LIPT1: variants seen among roughly 807,000 people sequenced by gnomAD.
LIPT1 encodes the protein lipoyl amidotransferase LIPT1, mitochondrial.
A neutral mutation model predicts 25.1 loss-of-function variants in LIPT1; 22 were observed. The observed-to-expected ratio is 0.88, with a 90% confidence interval of 0.63 to 1.25. The LOEUF (loss-of-function observed/expected upper bound fraction) is 1.25, where lower values mean the gene tolerates loss of function less well. LIPT1 is among the 50% of genes most tolerant of loss of function. LIPT1 has a pLI of 0.00. For synonymous variants in LIPT1, 131 were observed against 150.8 expected, an observed-to-expected ratio of 0.87 and a Z score of 0.96; for missense variants, 399 against 432.8, an observed-to-expected ratio of 0.92 and a Z score of 0.69.
At chr2:99,159,713 G>A (rs1323557293) in intron 1 of LIPT1, among the ~76,000 whole-genome samples, 3 of 152,148 alleles carry the variant, frequency 2.0e-5, no homozygotes, top group African/African-American at 7.2e-5. Flanking sequence ...ATATGGTACT[G>A]TGTCAAAGTC....
In LIPT1 at chr2:99,162,757, A is replaced by T. The variant is rs2093806614; in HGVS notation, c.800A>T (p.Gln267Leu). Reference protein sequence around the residue: ...PGINSKAKELQTWEWIYGKTP... With the variant: ...PGINSKAKELLTWEWIYGKTP... ...ATAAATAGCAAAGCCAAAGAACTGC[A>T]AACTTGGGAGTGGATATATGGCAAA... The change falls in exon 2 of 2, where the codon CAA becomes CTA. Residue 267 changes from glutamine (Q) to leucine (L), a missense_variant. Gln to Leu is a moderately radical substitution (Grantham distance 113, BLOSUM62 -2). Transcript: ENST00000651691. 6 of 1,614,216 alleles carry T rather than the reference A, an allele frequency of 3.7e-6. No individual in the cohort carries two copies. The highest frequency in any genetic ancestry group is 5.1e-6 in the Non-Finnish European group (6 of 1,180,010).
chr2:99,159,398 T>TTC (rs375225183), intron 1 of LIPT1, among the ~76,000 whole-genome samples: 4 of 151,540 alleles, frequency 2.6e-5, no homozygotes, highest in Admixed American at 6.6e-5. Context: ...ATCCATCCCC[T>TTC]TCTCTCTCTC....
At chr2:99,155,545 G>GT (rs79192111) in intron 1 of LIPT1, 18,199 of 455,976 alleles carry the variant, frequency 0.04, 861 homozygotes, top group East Asian at 0.2. Context: ...AACATGGAAG[G>GT]TAAGGAAGTC....
At position 99,162,710 on chromosome 2, in the gene LIPT1, G is replaced by C. The variant is rs373610498; in HGVS notation, c.753G>C (p.Thr251=). 6.2e-7 allele frequency: 1 copy of C among 1,614,120 alleles called. No individual in the cohort carries two copies. The highest frequency in any genetic ancestry group is 1.1e-5 in the South Asian group (1 of 91,076). ...ATCACATTCACCTAATAAACCCAACGGATGAGACACTGTTTCCTGGAATAA... is the reference window on the plus strand; with the variant it reads ...ATCACATTCACCTAATAAACCCAACCGATGAGACACTGTTTCCTGGAATAA... ...IDNHIHLINP[T]DETLFPGINS... Residue 251 remains threonine, a synonymous_variant, in exon 2 of 2, where the codon ACG becomes ACC. Coordinates refer to ENST00000651691, the MANE Select transcript of LIPT1 (RefSeq NM_145199.3).
chr2:99,159,842 T>C (rs1455015577), intron 1 of LIPT1, among the ~76,000 whole-genome samples: 5 of 152,186 alleles, frequency 3.3e-5, no homozygotes, highest in Non-Finnish European at 7.4e-5. Flanking sequence ...AGTGTAACTC[T>C]TTCTCTTAGG....
intron 1 of LIPT1, chr2:99,156,417 C>G (rs866308307): frequency 6.6e-6 from 1 of 152,258 alleles, no homozygotes; most frequent in Non-Finnish European, 1.5e-5. Context: ...GCGCCTGCCA[C>G]CACGCCCAGG....
In LIPT1 at chr2:99,162,456, T is replaced by G; in HGVS notation, c.499T>G (p.Ser167Ala). Residue 167 changes from serine to alanine, a missense_variant, in exon 2 of 2, where the codon TCT becomes GCT. Ser to Ala is a moderately conservative substitution (Grantham distance 99). Transcript: ENST00000651691. Reference protein sequence around the residue: ...DGQFKISGTASKIGRTTAYHH... With the variant: ...DGQFKISGTAAKIGRTTAYHH... ...ACAGTTTAAAATCTCAGGAACAGCT[T>G]CTAAGATCGGCCGGACTACTGCCTA... 4 of 1,614,048 alleles carry G rather than the reference T, an allele frequency of 2.5e-6. No homozygotes were observed. Among genetic ancestry groups the G allele is most frequent in the Non-Finnish European group, 3.4e-6 (4 of 1,180,032 alleles).
chr2:99,157,843 C>T (rs1487575911), intron 1 of LIPT1, among the ~76,000 whole-genome samples: 2 of 152,186 alleles, frequency 1.3e-5, no homozygotes, highest in African/African-American at 4.8e-5. Context: ...AGCTCTGTGC[C>T]GTTGGCCGCT....
Position 99,162,404 on chromosome 2 carries a change from C to G in LIPT1, c.447C>G (p.Thr149=). 1 of 1,613,944 alleles carries G rather than the reference C, an allele frequency of 6.2e-7. No individual in the cohort carries two copies. ...AACCCCAGCTGGATGTGCAGGCTAC[C>G]AAAAGATTTGACCTTTTACTTGATG... ...AVQPQLDVQA[T]KRFDLLLDGQ... is the part of the protein sequence containing the mutation. The change falls in exon 2 of 2, where the codon ACC becomes ACG. Residue 149 remains threonine (T), a synonymous_variant. Coordinates refer to ENST00000651691, the MANE Select transcript of LIPT1 (RefSeq NM_145199.3).
At position 99,162,443 on chromosome 2, in the gene LIPT1, C is replaced by G; in HGVS notation, c.486C>G (p.Ile162Met). 6.2e-7 allele frequency: 1 copy of G among 1,614,022 alleles called. No homozygotes were observed. The highest frequency in any genetic ancestry group is 8.5e-7 in the Non-Finnish European group (1 of 1,180,036). The change falls in exon 2 of 2, where the codon ATC becomes ATG. Residue 162 changes from isoleucine (I) to methionine (M), a missense_variant. By Grantham distance (10) the Ile-to-Met change is conservative. Coordinates refer to ENST00000651691, the MANE Select transcript of LIPT1 (RefSeq NM_145199.3). ...TTTTACTTGATGGACAGTTTAAAAT[C>G]TCAGGAACAGCTTCTAAGATCGGCC... ...FDLLLDGQFK[I>M]SGTASKIGRT...
chr2:99,162,538 A>ACC lies in LIPT1; in HGVS notation c.581_582insCC (p.Lys194AsnfsTer19). 6.2e-7 allele frequency: 1 copy of ACC among 1,614,196 alleles called. No homozygotes were observed. The highest frequency in any genetic ancestry group is 8.5e-7 in the Non-Finnish European group (1 of 1,180,030). The stretch of plus-strand genomic sequence containing the variant: ...GGGACGTTCTTGTCTTCTTTGCTAA[A>ACC]GAGCCCTTACCAAGGGATCAGGAGC... On this transcript the variant is annotated frameshift_variant, in exon 2 of 2. Coordinates refer to ENST00000651691, the MANE Select transcript of LIPT1 (RefSeq NM_145199.3). LOFTEE classifies it high-confidence loss of function.
At chr2:99,157,686 C>T (rs114534183) in intron 1 of LIPT1, among the ~76,000 whole-genome samples, 1,938 of 152,250 alleles carry the variant, frequency 0.013, 36 homozygotes, top group African/African-American at 0.044. Context: ...AATTTTTCTG[C>T]CTTTTCTTCT....
At chr2:99,156,535 ATTAC>A in intron 1 of LIPT1, 1 of 152,274 alleles carries the variant, frequency 6.6e-6, no homozygotes, top group East Asian at 1.9e-4. Context: ...AAGTGCTGGG[ATTAC>A]AGGTGTGAAC....
intron 1 of LIPT1, among the ~76,000 whole-genome samples, chr2:99,157,768 T>TA (rs1435119414): frequency 1.3e-5 from 2 of 152,202 alleles, no homozygotes; most frequent in African/African-American, 2.4e-5. Context: ...TCTTCAGTCT[T>TA]ATGTCGCAGG....
At chr2:99,160,656 A>G (rs985672534) in intron 1 of LIPT1, among the ~76,000 whole-genome samples, 1 of 152,174 alleles carries the variant, frequency 6.6e-6, no homozygotes, top group African/African-American at 2.4e-5. Flanking sequence ...GCATCCAAAC[A>G]TAGTGAATTT....
chr2:99,162,178 T>C lies in LIPT1; in HGVS notation c.221T>C (p.Ile74Thr). 1 of 1,614,108 alleles carries C rather than the reference T, an allele frequency of 6.2e-7. No individual in the cohort carries two copies. The change falls in exon 2 of 2, where the codon ATT becomes ACT. Residue 74 changes from isoleucine to threonine, a missense_variant. Ile to Thr is a moderately conservative substitution (Grantham distance 89). Coordinates refer to ENST00000651691, the MANE Select transcript of LIPT1 (RefSeq NM_145199.3). ...TGGCAGAATTCTCCCTCTGTTGTAA[T>C]TGGTAGGCATCAAAATCCTTGGCAG... ...FFWQNSPSVV[I>T]GRHQNPWQEC...
Position 99,162,038 on chromosome 2 carries a change from A to C in LIPT1, c.81A>C (p.Thr27=), listed in dbSNP as rs778866407. The part of the protein sequence containing the change: ...CQVPAAGFKK[T]VKNGLILQSI... ...TCCCAGCAGCTGGCTTTAAAAAAACAGTAAAAAATGGGCTCATTTTACAGT... is the reference window on the plus strand; with the variant it reads ...TCCCAGCAGCTGGCTTTAAAAAAACCGTAAAAAATGGGCTCATTTTACAGT... Residue 27 remains threonine (T), a synonymous_variant, in exon 2 of 2, where the codon ACA becomes ACC. Transcript: ENST00000651691. 1.9e-6 allele frequency: 3 copies of C among 1,614,110 alleles called. No individual in the cohort carries two copies. Among genetic ancestry groups the C allele is most frequent in the South Asian group, 2.2e-5 (2 of 91,084 alleles).
intron 1 of LIPT1, among the ~76,000 whole-genome samples, chr2:99,157,877 A>G (rs983069840): frequency 6.6e-6 from 1 of 152,216 alleles, no homozygotes; most frequent in African/African-American, 2.4e-5. Context: ...AAATGAACCA[A>G]TTATCTTAAC....
In LIPT1 at chr2:99,163,132, C is replaced by T; in HGVS notation, c.*53C>T. 1.7e-6 allele frequency: 2 copies of T among 1,188,576 alleles called. No individual in the cohort carries two copies. The highest frequency in any genetic ancestry group is 5.6e-5 in the Admixed American group (2 of 35,692). The allele number at this position is 1,188,576 out of a possible 1,614,324, so 73.6% of individuals were successfully genotyped here. ...CAATTAGAAAATAAAATGTCTCATA[C>T]TTGCACATTGTATGTCAAAAAAAAA... is the stretch of plus-strand genomic sequence containing the variant. On this transcript the variant is annotated 3_prime_UTR_variant, in exon 2 of 2. Transcript: ENST00000651691.
Sources: gnomAD v4.1 joint callset for allele counts (sites outside exome capture counted in the v4.1 genomes callset) on GRCh38, gnomAD v4.1.1 for gene constraint, MANE v1.5 for transcripts, NCBI Gene and HGNC (gene_info 2026-07-23, HGNC 2026-07-21) for gene names.